PCDHAC1: variants seen among roughly 807,000 people sequenced by gnomAD.
PCDHAC1 encodes the protein protocadherin alpha-C1.
PCDHAC1 carries 42 observed loss-of-function variants against 60.0 expected under a neutral mutation model. The observed-to-expected ratio is 0.70, with a 90% CI of 0.55 to 0.90. The LOEUF is 0.90. Among genes scored for constraint, PCDHAC1 ranks in the 40% least tolerant of loss-of-function variants. The pLI, the probability that PCDHAC1 is intolerant of heterozygous loss-of-function variation, is 0.00. For missense variants in PCDHAC1, 1,160 were observed against 1,222.3 expected (o/e 0.95, Z 0.76); for synonymous variants, 468 against 499.3 (o/e 0.94, Z 0.84).
chr5:140,980,857 T>C (rs2153822974), intron 2 of PCDHAC1, among the ~76,000 whole-genome samples: 1 of 152,334 alleles, frequency 6.6e-6, no homozygotes. Flanking sequence ...ATCTTTTTCG[T>C]ATGTGTGCTT....
chr5:140,959,382 A>C (rs1332960560), intron 1 of PCDHAC1, among the ~76,000 whole-genome samples: 1 of 152,200 alleles, frequency 6.6e-6, no homozygotes, highest in African/African-American at 2.4e-5. Flanking sequence ...TCAAAAAAAA[A>C]AGTCACAAAT....
intron 3 of PCDHAC1, among the ~76,000 whole-genome samples, chr5:141,003,696 T>C (rs1554259206): frequency 6.6e-6 from 1 of 152,210 alleles, no homozygotes; most frequent in East Asian, 1.9e-4. Flanking sequence ...AATATATCCC[T>C]ACCAATTGTG....
chr5:141,011,247 G>A lies in PCDHAC1; in HGVS notation c.*1310G>A, dbSNP rs1554263390. On this transcript the variant is annotated 3_prime_UTR_variant, in exon 4 of 4. Transcript: ENST00000253807. The stretch of plus-strand genomic sequence containing the variant: ...TCTACTAATTCTGTGACTTGTCTTG[G>A]TGTGCTAGCCTACACCTTCTCTTTG... The A allele has an allele frequency of 2.0e-5, 3 of 153,772 alleles. No individual in the cohort carries two copies. The highest frequency in any genetic ancestry group is 7.2e-5 in the African/African-American group (3 of 41,538). The allele number at this position is 153,772 out of a possible 1,614,324, so 9.5% of individuals were successfully genotyped here.
At chr5:141,003,616 G>A (rs1360535833) in intron 3 of PCDHAC1, among the ~76,000 whole-genome samples, 1 of 152,132 alleles carries the variant, frequency 6.6e-6, no homozygotes, top group African/African-American at 2.4e-5. Flanking sequence ...CCCGGCCCCA[G>A]AGGGCAGTTT....
At chr5:140,962,319 T>A (rs1585921663) in intron 1 of PCDHAC1, among the ~76,000 whole-genome samples, 1 of 152,226 alleles carries the variant, frequency 6.6e-6, no homozygotes, top group Admixed American at 6.5e-5. Context: ...GCCATCTCAA[T>A]TGAGAATACT....
intron 1 of PCDHAC1, among the ~76,000 whole-genome samples, chr5:140,960,522 T>C (rs1261145307): frequency 6.6e-6 from 1 of 152,090 alleles, no homozygotes; most frequent in African/African-American, 2.4e-5. Flanking sequence ...ATAATGGGTA[T>C]AGGAAAGAGA....
At chr5:140,936,986 A>G (rs2091244455) in intron 1 of PCDHAC1, among the ~76,000 whole-genome samples, 1 of 151,898 alleles carries the variant, frequency 6.6e-6, no homozygotes, top group Non-Finnish European at 1.5e-5. Context: ...GCTTGTTAAC[A>G]TTGACAATAT....
intron 1 of PCDHAC1, among the ~76,000 whole-genome samples, chr5:140,963,057 A>G (rs1004095673): frequency 1.3e-5 from 2 of 152,186 alleles, no homozygotes; most frequent in African/African-American, 4.8e-5. Context: ...AAGGGTTTCT[A>G]CATTGTGAAG....
At chr5:141,000,993 C>A (rs1273666357) in intron 3 of PCDHAC1, among the ~76,000 whole-genome samples, 1 of 151,964 alleles carries the variant, frequency 6.6e-6, no homozygotes, top group Non-Finnish European at 1.5e-5. Context: ...AATAAATATG[C>A]TTTAAATATG....
chr5:140,941,224 T>TTTCTTTCTTTCTTTCTTTCTTTCC (rs2092912857), intron 1 of PCDHAC1, among the ~76,000 whole-genome samples: 1 of 137,372 alleles, frequency 7.3e-6, no homozygotes, highest in Non-Finnish European at 1.6e-5. Context: ...CCTTTCTTTC[T>TTTCTTTCTTTCTTTCTTTCTTTCC]TTCTTTCTTT....
chr5:140,967,146 A>C, intron 1 of PCDHAC1: 1 of 1,610,972 alleles, frequency 6.2e-7, no homozygotes, highest in Non-Finnish European at 8.5e-7. Flanking sequence ...CTGGCGCACA[A>C]CCCCGTGGCG....
At chr5:141,005,114 G>A (rs2098198000) in intron 3 of PCDHAC1, among the ~76,000 whole-genome samples, 2 of 152,042 alleles carry the variant, frequency 1.3e-5, no homozygotes, top group African/African-American at 2.4e-5. Flanking sequence ...TTGTCTTTAG[G>A]GACCCCAAAA....
In PCDHAC1 at chr5:140,929,103, G is replaced by A; in HGVS notation, c.2211G>A (p.Met737Ile). 6.2e-7 allele frequency: 1 copy of A among 1,614,180 alleles called. No individual in the cohort carries two copies. The highest frequency in any genetic ancestry group is 1.3e-5 in the African/African-American group (1 of 75,032). The change falls in exon 1 of 4, where the codon ATG becomes ATA. Residue 737 changes from methionine to isoleucine, a missense_variant. Met to Ile is a conservative substitution (Grantham distance 10). Coordinates refer to ENST00000253807, the MANE Select transcript of PCDHAC1 (RefSeq NM_018898.5). The part of the protein sequence containing the change: ...YGSKMVSNPC[M>I]TSATIDVTTV... ...GTAAGATGGTTTCAAATCCTTGCATGACATCAGCCACCATAGATGTCACTA... is the reference window on the plus strand; with the variant it reads ...GTAAGATGGTTTCAAATCCTTGCATAACATCAGCCACCATAGATGTCACTA...
chr5:140,969,372 T>G, intron 1 of PCDHAC1: 1 of 1,606,704 alleles, frequency 6.2e-7, no homozygotes, highest in Non-Finnish European at 8.5e-7. Context: ...ACTCATGCAT[T>G]TGTTACACAT....
intron 2 of PCDHAC1, among the ~76,000 whole-genome samples, chr5:140,980,402 T>G (rs1019891422): frequency 2.0e-5 from 3 of 152,020 alleles, no homozygotes; most frequent in African/African-American, 7.2e-5. Context: ...GAGGCCGAGG[T>G]GGGCAGATCA....
intron 3 of PCDHAC1, among the ~76,000 whole-genome samples, chr5:140,982,861 G>A (rs1356683030): frequency 1.3e-5 from 2 of 152,110 alleles, no homozygotes; most frequent in African/African-American, 4.8e-5. Flanking sequence ...CCTTTCAAAT[G>A]CTTAGGTCAT....
At chr5:140,996,355 G>A (rs1164124431) in intron 3 of PCDHAC1, among the ~76,000 whole-genome samples, 1 of 152,218 alleles carries the variant, frequency 6.6e-6, no homozygotes, top group Non-Finnish European at 1.5e-5. Flanking sequence ...ACCAAAGTCA[G>A]AAGCCATTTT....
intron 1 of PCDHAC1, chr5:140,967,716 T>C: frequency 1.2e-6 from 2 of 1,613,914 alleles, no homozygotes; most frequent in Non-Finnish European, 1.7e-6. Context: ...ACCGGGGAAG[T>C]GCGAGTAATT....
chr5:140,966,449 C>CT (rs1737219736), intron 1 of PCDHAC1: 1 of 425,908 alleles, frequency 2.3e-6, no homozygotes, highest in South Asian at 9.0e-5. Context: ...CCCTTTCCCC[C>CT]TCCCCCTCTG....
Sources: gnomAD v4.1 joint callset for allele counts (sites outside exome capture counted in the v4.1 genomes callset) on GRCh38, gnomAD v4.1.1 for gene constraint, MANE v1.5 for transcripts, NCBI Gene and HGNC (gene_info 2026-07-23, HGNC 2026-07-21) for gene names.